MRTFA: variants seen among roughly 807,000 people sequenced by gnomAD.
MRTFA encodes the protein myocardin related transcription factor A, also known as myocardin-related transcription factor A.
MRTFA carries 20 observed loss-of-function variants against 83.5 expected under a neutral mutation model. That is an observed-to-expected ratio of 0.24 (90% CI 0.17 to 0.35). The LOEUF (loss-of-function observed/expected upper bound fraction) is 0.35. Ranked by LOEUF, MRTFA falls within the 10% of genes least tolerant of loss-of-function variation. The pLI, the probability that MRTFA is intolerant of heterozygous loss-of-function variation, is 1.00. For missense variants in MRTFA, 1,200 were observed against 1,224.7 expected (o/e 0.98, Z 0.30); for synonymous variants, 659 against 541.2 (o/e 1.22, Z -3.02).
At chr22:40,470,329 T>A (rs1032723136) in intron 3 of MRTFA, among the ~76,000 whole-genome samples, 1 of 136,906 alleles carries the variant, frequency 7.3e-6, no homozygotes, top group Non-Finnish European at 1.5e-5. Context: ...TTCATAAATA[T>A]GCAGAAATTA....
rs1001137196 is a variant in MRTFA at position 40,453,675 on chromosome 22, C to T, written c.307+9546G>A. On this transcript the variant is annotated intron_variant, in intron 4 of 14. Transcript: ENST00000355630. ...AGACTTAATGTCTTTGATAGTGTAA[C>T]ACTCCACTTAAAAGCAAACAAGTGC... Among the ~76,000 whole-genome samples the T allele has an allele frequency of 1.3e-5, 2 of 152,046 alleles. 1 individual carries two copies. Among genetic ancestry groups the T allele is most frequent in the African/African-American group, 4.8e-5 (2 of 41,372 alleles).
chr22:40,562,193 G>T (rs2055629155), intron 2 of MRTFA, among the ~76,000 whole-genome samples: 2 of 150,502 alleles, frequency 1.3e-5, no homozygotes, highest in African/African-American at 2.5e-5. Context: ...CTCCAGCCTG[G>T]GCGATAGAGC....
At chr22:40,546,109 G>A (rs569558145) in intron 3 of MRTFA, among the ~76,000 whole-genome samples, 1 of 152,250 alleles carries the variant, frequency 6.6e-6, no homozygotes, top group East Asian at 1.9e-4. Context: ...CTCAACACAC[G>A]GTACACCCAT....
At chr22:40,415,721 T>C (rs1016262217) in intron 14 of MRTFA, among the ~76,000 whole-genome samples, 5 of 151,972 alleles carry the variant, frequency 3.3e-5, no homozygotes, top group African/African-American at 1.2e-4. Context: ...TACCTCCTTC[T>C]TCCCCTCTGC....
chr22:40,470,522 G>C (rs572059350), intron 3 of MRTFA, among the ~76,000 whole-genome samples: 1 of 151,032 alleles, frequency 6.6e-6, no homozygotes, highest in Non-Finnish European at 1.5e-5. Flanking sequence ...AAATACATGC[G>C]GTAAGCCTTT....
rs774307894 is a variant in MRTFA, at chr22:40,423,661, G to A, written c.802C>T (p.Arg268Trp). The A allele has an allele frequency of 3.2e-6, 5 of 1,576,328 alleles. No individual in the cohort carries two copies. The highest frequency in any genetic ancestry group is 3.6e-5 in the Admixed American group (2 of 55,998). ...AGGAAAAGCATTTCTCTGGAATCCC[G>A]GCCCATCGGAAGTTGAGACACAACC... The change falls in exon 9 of 15, where the codon CGG becomes TGG. Residue 268 changes from arginine (R) to tryptophan (W), a missense_variant. Arg to Trp is a moderately radical substitution (Grantham distance 101, BLOSUM62 -3). Around this residue, in one of 2 missense-constraint regions of MRTFA, gnomAD observed 1,107 missense variants for 1,041.8 expected, o/e 1.06. Transcript: ENST00000355630.
chr22:40,429,364 G>GC, intron 7 of MRTFA: 4 of 650,520 alleles, frequency 6.1e-6, no homozygotes, highest in Middle Eastern at 2.7e-4. Context: ...AGTGAACAGA[G>GC]CAAGGCCTCT....
chr22:40,595,802 T>C (rs1242048394), intron 1 of MRTFA, among the ~76,000 whole-genome samples: 1 of 151,290 alleles, frequency 6.6e-6, no homozygotes, highest in Non-Finnish European at 1.5e-5. Context: ...AGAAAGTCTT[T>C]CCAGGCAAGG....
intron 3 of MRTFA, among the ~76,000 whole-genome samples, chr22:40,496,299 C>CA (rs1452125900): frequency 6.6e-6 from 1 of 151,238 alleles, no homozygotes; most frequent in Non-Finnish European, 1.5e-5. Context: ...TATAAGCACT[C>CA]AGTAAATTTG....
intron 7 of MRTFA, 30 bp from the exon 8 acceptor site, chr22:40,424,411 C>T (rs1602221128): frequency 6.2e-7 from 1 of 1,608,566 alleles, no homozygotes; most frequent in African/African-American, 1.3e-5. Context: ...TGAGATTCCA[C>T]TTCCAGCCCA....
At chr22:40,425,513 G>A (rs567492959) in intron 7 of MRTFA, among the ~76,000 whole-genome samples, 45 of 152,262 alleles carry the variant, frequency 3.0e-4, no homozygotes, top group African/African-American at 1.1e-3. Context: ...CAGGGCCAGG[G>A]CCAGGACCTG....
chr22:40,629,219 G>A (rs1017934924), intron 1 of MRTFA, among the ~76,000 whole-genome samples: 6 of 151,858 alleles, frequency 4.0e-5, no homozygotes, highest in East Asian at 1.9e-4. Flanking sequence ...CGAGGCGGGC[G>A]GATCACTTGA....
intron 3 of MRTFA, among the ~76,000 whole-genome samples, chr22:40,486,308 G>A (rs1276810585): frequency 1.1e-4 from 16 of 152,260 alleles, no homozygotes; most frequent in Admixed American, 5.9e-4. Flanking sequence ...ATTCGATTAC[G>A]GATATTAAGA....
intron 3 of MRTFA, among the ~76,000 whole-genome samples, chr22:40,477,245 G>A (rs1251347365): frequency 6.6e-6 from 1 of 151,542 alleles, no homozygotes; most frequent in African/African-American, 2.4e-5. Context: ...AGCTACTCGG[G>A]AGGGTGAGGC....
chr22:40,605,727 T>C (rs1379848748), intron 1 of MRTFA, among the ~76,000 whole-genome samples: 1 of 152,210 alleles, frequency 6.6e-6, no homozygotes, highest in African/African-American at 2.4e-5. Context: ...CTATATTCCA[T>C]TACCAACCTA....
chr22:40,486,666 A>G (rs752126005), intron 3 of MRTFA, among the ~76,000 whole-genome samples: 1 of 152,228 alleles, frequency 6.6e-6, no homozygotes, highest in Non-Finnish European at 1.5e-5. Context: ...CGGTTGGCTC[A>G]TTACGAACAC....
chr22:40,563,916 C>A (rs5750960), intron 2 of MRTFA, among the ~76,000 whole-genome samples: 67,890 of 151,794 alleles, frequency 0.45, 15,876 homozygotes, highest in East Asian at 0.87. Context: ...AAGAAATATG[C>A]GGTTGTGGGG....
At chr22:40,480,522 G>C (rs1042362780) in intron 3 of MRTFA, among the ~76,000 whole-genome samples, 2 of 152,010 alleles carry the variant, frequency 1.3e-5, no homozygotes, top group Middle Eastern at 3.2e-3. Flanking sequence ...GAAAATCCAG[G>C]TGATTTCAGT....
At chr22:40,413,379 G>A (rs1238408599) in intron 14 of MRTFA, among the ~76,000 whole-genome samples, 3 of 143,234 alleles carry the variant, frequency 2.1e-5, no homozygotes, top group Non-Finnish European at 3.0e-5. Context: ...TCTCACTGTT[G>A]CCCAGGCTGC....
Sources: gnomAD v4.1 joint callset for allele counts (sites outside exome capture counted in the v4.1 genomes callset) on GRCh38, gnomAD v4.1.1 for gene constraint, gnomAD v4.1.1 regional missense constraint, MANE v1.5 for transcripts, NCBI Gene and HGNC (gene_info 2026-07-23, HGNC 2026-07-21) for gene names.